Variants in MLLT3 observed in about 807,000 individuals in gnomAD.
MLLT3 encodes the protein MLLT3 super elongation complex subunit.
Under a neutral mutation model 53.2 loss-of-function variants are expected in MLLT3, and 4 were observed. The observed-to-expected ratio is 0.08, with a 90% CI of 0.04 to 0.17. MLLT3 has a LOEUF of 0.17. Ranked by LOEUF, MLLT3 falls within the 10% of genes least tolerant of loss-of-function variation. MLLT3 has a pLI of 1.00. For synonymous variants in MLLT3, 283 were observed against 230.6 expected (o/e 1.23, Z -2.06); for missense variants, 569 against 684.0 (o/e 0.83, Z 1.87).
chr9:20,540,149 C>T (rs1587045447), intron 2 of MLLT3, among the ~76,000 whole-genome samples: 1 of 152,196 alleles, frequency 6.6e-6, no homozygotes, highest in South Asian at 2.1e-4. Flanking sequence ...CAGCTCTGCC[C>T]CTGTGGCTCT....
Position 20,463,276 on chromosome 9 carries a change from G to C in MLLT3, c.194-6490C>G, listed in dbSNP as rs778986573. 2.0e-5 allele frequency among the ~76,000 whole-genome samples: 3 copies of C among 151,560 alleles called. No homozygotes were observed. In the South Asian group the frequency reaches 6.2e-4, roughly 32 times the overall value. On this transcript the variant is annotated intron_variant, in intron 2 of 10. Coordinates refer to ENST00000380338, the MANE Select transcript of MLLT3 (RefSeq NM_004529.4). ...AGTATATCCCTGGCTTCTCTTTCAAGGGGGTGGGGGGGAGGAGAAATTTTC... is the reference window on the plus strand; with the variant it reads ...AGTATATCCCTGGCTTCTCTTTCAACGGGGTGGGGGGGAGGAGAAATTTTC...
chr9:20,384,598 T>C (rs1436857253), intron 5 of MLLT3, among the ~76,000 whole-genome samples: 2 of 152,078 alleles, frequency 1.3e-5, no homozygotes, highest in Admixed American at 6.6e-5. Context: ...AACACAATTA[T>C]CATCAATGGG....
At chr9:20,480,387 G>C (rs924424558) in intron 2 of MLLT3, among the ~76,000 whole-genome samples, 1 of 152,126 alleles carries the variant, frequency 6.6e-6, no homozygotes, top group Non-Finnish European at 1.5e-5. Context: ...GCCTTTCATA[G>C]GAAGGCTTCC....
intron 2 of MLLT3, among the ~76,000 whole-genome samples, chr9:20,569,634 A>G (rs1819477387): frequency 6.6e-6 from 1 of 152,184 alleles, no homozygotes; most frequent in Non-Finnish European, 1.5e-5. Context: ...AACTTCAGCA[A>G]ACAAGCACTA....
chr9:20,523,970 CAA>C (rs112024673), intron 2 of MLLT3, among the ~76,000 whole-genome samples: 7 of 124,746 alleles, frequency 5.6e-5, no homozygotes, highest in Non-Finnish European at 3.5e-5. Flanking sequence ...GAACCCATCT[CAA>C]AAAAAAAAAA....
At chr9:20,571,304 C>T (rs1481333445) in intron 2 of MLLT3, among the ~76,000 whole-genome samples, 1 of 152,042 alleles carries the variant, frequency 6.6e-6, no homozygotes, top group Non-Finnish European at 1.5e-5. Context: ...AGCACATGCA[C>T]ACACACACAC....
At chr9:20,563,465 T>C (rs566338571) in intron 2 of MLLT3, among the ~76,000 whole-genome samples, 1 of 152,116 alleles carries the variant, frequency 6.6e-6, no homozygotes, top group East Asian at 1.9e-4. Context: ...TGACAGTCTA[T>C]TCAGACAAAC....
chr9:20,533,468 T>C (rs746749635), intron 2 of MLLT3: 1 of 168,192 alleles, frequency 5.9e-6, no homozygotes, highest in Non-Finnish European at 1.3e-5. Context: ...AGAATGTAAA[T>C]TGGTACAGCC....
intron 2 of MLLT3, among the ~76,000 whole-genome samples, chr9:20,616,677 T>G (rs758142711): frequency 1.3e-5 from 2 of 152,146 alleles, no homozygotes; most frequent in Non-Finnish European, 2.9e-5. Context: ...ATTTAGCAAC[T>G]TGCCTTATTT....
intron 2 of MLLT3, among the ~76,000 whole-genome samples, chr9:20,485,813 A>G (rs940111429): frequency 8.6e-5 from 6 of 70,112 alleles, no homozygotes; most frequent in Non-Finnish European, 1.2e-4. Flanking sequence ...GCTATAAAAC[A>G]AAACAGTGAT....
intron 2 of MLLT3, among the ~76,000 whole-genome samples, chr9:20,468,514 T>A (rs552167466): frequency 1.9e-4 from 29 of 152,298 alleles, no homozygotes; most frequent in African/African-American, 7.0e-4. Context: ...CGAGGTTATG[T>A]ACTAAAGCAG....
intron 5 of MLLT3, among the ~76,000 whole-genome samples, chr9:20,371,520 A>C (rs1156862839): frequency 6.6e-6 from 1 of 152,196 alleles, no homozygotes; most frequent in Non-Finnish European, 1.5e-5. Context: ...AATTATGCTA[A>C]ATCTACTTTG....
intron 2 of MLLT3, among the ~76,000 whole-genome samples, chr9:20,581,584 C>T (rs1819793943): frequency 6.6e-6 from 1 of 152,098 alleles, no homozygotes; most frequent in Admixed American, 6.6e-5. Context: ...GGATGGTTGA[C>T]TCCTGTATAG....
chr9:20,578,510 T>A (rs1819711064), intron 2 of MLLT3, among the ~76,000 whole-genome samples: 1 of 149,008 alleles, frequency 6.7e-6, no homozygotes, highest in Non-Finnish European at 1.5e-5. Flanking sequence ...ACTACGTCTC[T>A]AAAAAAAAAG....
chr9:20,511,315 C>T (rs570821922), intron 2 of MLLT3, among the ~76,000 whole-genome samples: 1 of 151,594 alleles, frequency 6.6e-6, no homozygotes, highest in Non-Finnish European at 1.5e-5. Flanking sequence ...CTGATCAGAC[C>T]CAGTATTGGA....
chr9:20,508,381 A>G (rs1008121985), intron 2 of MLLT3, among the ~76,000 whole-genome samples: 3 of 152,196 alleles, frequency 2.0e-5, no homozygotes, highest in African/African-American at 7.2e-5. Context: ...AAGGAGAATG[A>G]AAGTGTTTAC....
chr9:20,390,805 G>C (rs1822160842), intron 5 of MLLT3, among the ~76,000 whole-genome samples: 2 of 152,188 alleles, frequency 1.3e-5, no homozygotes, highest in Non-Finnish European at 2.9e-5. Flanking sequence ...AGACAAATCA[G>C]ATATCTTATA....
intron 2 of MLLT3, among the ~76,000 whole-genome samples, chr9:20,520,852 C>T (rs925966859): frequency 2.0e-5 from 3 of 152,104 alleles, no homozygotes; most frequent in Non-Finnish European, 4.4e-5. Flanking sequence ...GCCATGGCCA[C>T]GGCTGCAGAA....
chr9:20,512,243 CA>C (rs2118962829), intron 2 of MLLT3, among the ~76,000 whole-genome samples: 1 of 152,304 alleles, frequency 6.6e-6, no homozygotes, highest in South Asian at 2.1e-4. Flanking sequence ...TCTGAAATTC[CA>C]TTAGCAATCA....
Sources: allele counts gnomAD v4.1 joint callset (sites outside exome capture counted in the v4.1 genomes callset), GRCh38; gene constraint gnomAD v4.1.1; transcripts MANE v1.5; gene names NCBI Gene and HGNC (gene_info 2026-07-23, HGNC 2026-07-21).